VRK2: variants seen among roughly 807,000 people sequenced by gnomAD.
The protein encoded by VRK2 is serine/threonine-protein kinase VRK2.
VRK2 carries 60 observed loss-of-function variants against 57.6 expected under a neutral mutation model. That is an observed-to-expected ratio of 1.04 (90% confidence interval 0.85 to 1.29). The LOEUF is 1.29. VRK2 is among the 50% of genes most tolerant of loss of function. The pLI is 0.00. For synonymous variants in VRK2, 231 were observed against 199.2 expected (o/e 1.16, Z -1.35); for missense variants, 705 against 588.1 (o/e 1.20, Z -2.06).
Position 58,159,523 on chromosome 2 carries a change from T to A in VRK2, c.1357T>A (p.Tyr453Asn). ...KKSRSPSWYKYTSTVSTGITD... is the reference protein window; with the variant it reads ...KKSRSPSWYKNTSTVSTGITD... ...GTCAAGATCTCCATCTTGGTATAAA[T>A]ACACTTCCACAGTCAGCACGGGGAT... Residue 453 changes from tyrosine to asparagine, a missense_variant, in exon 13 of 13, where the codon TAC (tyrosine) becomes AAC (asparagine). Transcript: ENST00000340157. 1.2e-6 allele frequency: 2 copies of A among 1,613,806 alleles called. No individual in the cohort carries two copies. The highest frequency in any genetic ancestry group is 1.7e-6 in the Non-Finnish European group (2 of 1,179,806).
intron 7 of VRK2, among the ~76,000 whole-genome samples, chr2:58,097,396 A>T (rs1349604813): frequency 6.6e-6 from 1 of 151,744 alleles, no homozygotes. Flanking sequence ...GTGTTTTTTT[A>T]AATCTTTCAA....
intron 1 of VRK2, among the ~76,000 whole-genome samples, chr2:57,974,094 T>C (rs950016596): frequency 1.3e-5 from 2 of 151,882 alleles, no homozygotes; most frequent in African/African-American, 4.8e-5. Flanking sequence ...TGTTGCAGAT[T>C]AAAGAATGCT....
intron 1 of VRK2, among the ~76,000 whole-genome samples, chr2:57,935,912 T>C (rs1332877342): frequency 6.6e-6 from 1 of 152,186 alleles, no homozygotes; most frequent in Admixed American, 6.5e-5. Context: ...ATAAACTTTT[T>C]GATATTTTGC....
At chr2:58,137,045 ATATATATGTGTATATAT>A (rs1680285168) in intron 10 of VRK2, among the ~76,000 whole-genome samples, 1 of 128,418 alleles carries the variant, frequency 7.8e-6, no homozygotes, top group Non-Finnish European at 1.5e-5. Flanking sequence ...ATCATATATA[ATATATATGTGTATATAT>A]CATATATCAT....
intron 1 of VRK2, among the ~76,000 whole-genome samples, chr2:57,935,861 G>C (rs1202016538): frequency 6.6e-6 from 1 of 152,204 alleles, no homozygotes; most frequent in Non-Finnish European, 1.5e-5. Context: ...TGGAGGAAGG[G>C]TAACAGATAA....
intron 1 of VRK2, among the ~76,000 whole-genome samples, chr2:57,913,321 A>T (rs1670047485): frequency 6.6e-6 from 1 of 152,212 alleles, no homozygotes; most frequent in African/African-American, 2.4e-5. Context: ...GGGATTACGT[A>T]AAGGTTAAAT....
At chr2:58,001,284 T>C (rs1397135790) in intron 1 of VRK2, among the ~76,000 whole-genome samples, 1 of 152,230 alleles carries the variant, frequency 6.6e-6, no homozygotes, top group Non-Finnish European at 1.5e-5. Flanking sequence ...GTTTGCTTAC[T>C]TGAACAAATA....
intron 7 of VRK2, among the ~76,000 whole-genome samples, chr2:58,095,839 A>C (rs1673058498): frequency 6.6e-6 from 1 of 152,134 alleles, no homozygotes; most frequent in African/African-American, 2.4e-5. Flanking sequence ...ATCTTATTGG[A>C]AATGCCTGAA....
At chr2:57,921,250 A>T (rs765695704) in intron 1 of VRK2, among the ~76,000 whole-genome samples, 6 of 151,806 alleles carry the variant, frequency 4.0e-5, no homozygotes, top group Non-Finnish European at 8.8e-5. Context: ...AAGTAATTCC[A>T]TTTTAAAAGT....
At chr2:58,046,637 G>C (rs1441861523), upstream of VRK2, 16 of 985,458 alleles carry the variant, frequency 1.6e-5, no homozygotes, top group Non-Finnish European at 1.8e-5. Flanking sequence ...GGGCGTCTCC[G>C]GGGCGTGGAC....
At chr2:57,985,257 C>T (rs1672559641) in intron 1 of VRK2, among the ~76,000 whole-genome samples, 1 of 152,114 alleles carries the variant, frequency 6.6e-6, no homozygotes, top group Admixed American at 6.5e-5. Flanking sequence ...GATGTTCACA[C>T]ATTGCAGCAA....
At chr2:57,942,145 G>A (rs551131233) in intron 1 of VRK2, among the ~76,000 whole-genome samples, 1 of 152,042 alleles carries the variant, frequency 6.6e-6, no homozygotes, top group South Asian at 2.1e-4. Flanking sequence ...TTTTTAGCAG[G>A]GGAAGAAAAA....
intron 1 of VRK2, among the ~76,000 whole-genome samples, chr2:58,007,853 G>A (rs115609049): frequency 9.2e-5 from 14 of 152,040 alleles, no homozygotes; most frequent in African/African-American, 2.4e-4. Context: ...AAAAGTTTTC[G>A]TAAATACAAC....
Position 57,943,118 on chromosome 2 carries a change from T to G in VRK2, c.-439+35279T>G, listed in dbSNP as rs556593258. 2.6e-5 allele frequency among the ~76,000 whole-genome samples: 4 copies of G among 152,346 alleles called. No individual in the cohort carries two copies. In the South Asian group the frequency reaches 8.3e-4, roughly 32 times the overall value. ...ACCCCTGAATCCATTTTTATAATCC[T>G]ACTGCATATAGTAGCTAGTCATTCT... On this transcript the variant is annotated intron_variant, in intron 1 of 15. Coordinates refer to the VRK2 transcript ENST00000417641.
At chr2:58,071,484 A>C (rs1669351925) in intron 2 of VRK2, among the ~76,000 whole-genome samples, 1 of 152,122 alleles carries the variant, frequency 6.6e-6, no homozygotes, top group Non-Finnish European at 1.5e-5. Flanking sequence ...ATGAAAGATC[A>C]GTGTCTAGAT....
chr2:58,008,829 A>G (rs1157431166), intron 1 of VRK2, among the ~76,000 whole-genome samples: 3 of 152,088 alleles, frequency 2.0e-5, no homozygotes, highest in African/African-American at 7.2e-5. Context: ...ATTTAAGAAG[A>G]ACACAGATTT....
At chr2:58,105,863 G>T (rs999432452) in intron 7 of VRK2, among the ~76,000 whole-genome samples, 1 of 152,012 alleles carries the variant, frequency 6.6e-6, no homozygotes, top group East Asian at 1.9e-4. Context: ...TACTTCCAAT[G>T]CTGGTTAGTT....
rs553077942 is a variant in VRK2 at position 57,955,264 on chromosome 2, A to G, written c.-439+47425A>G. ...AACACTATGAAAAATAATGATGTATATTATAAGAGGTCTGTATATCCAAAT... is the reference window on the plus strand; with the variant it reads ...AACACTATGAAAAATAATGATGTATGTTATAAGAGGTCTGTATATCCAAAT... On this transcript the variant is annotated intron_variant, in intron 1 of 15. Coordinates refer to the VRK2 transcript ENST00000417641. Among the ~76,000 whole-genome samples, 3 of 152,306 alleles carry G rather than the reference A, an allele frequency of 2.0e-5. No individual in the cohort carries two copies. The South Asian group carries it at 6.2e-4, about 32-fold the overall frequency.
intron 7 of VRK2, among the ~76,000 whole-genome samples, chr2:58,113,655 A>T (rs1467498420): frequency 6.6e-6 from 1 of 151,978 alleles, no homozygotes; most frequent in Non-Finnish European, 1.5e-5. Flanking sequence ...TCAGTGGGGG[A>T]GCTTCTGAGC....
Sources: allele counts gnomAD v4.1 joint callset (sites outside exome capture counted in the v4.1 genomes callset), GRCh38; gene constraint gnomAD v4.1.1; transcripts MANE v1.5; gene names NCBI Gene and HGNC (gene_info 2026-07-23, HGNC 2026-07-21).